The following JARID2 variants were observed in gnomAD, a reference collection of about 807,000 sequenced individuals.
The protein encoded by JARID2 is jumonji and AT-rich interaction domain containing 2.
JARID2 carries 21 observed loss-of-function variants against 125.6 expected under a neutral mutation model. The ratio of observed to expected loss-of-function variants is 0.17; its 90% CI spans 0.12 to 0.24. The LOEUF (loss-of-function observed/expected upper bound fraction) is 0.24. Ranked by LOEUF, JARID2 falls within the 10% of genes least tolerant of loss-of-function variation. JARID2 has a pLI of 1.00. For synonymous variants in JARID2, 736 were observed against 661.6 expected, an observed-to-expected ratio of 1.11 and a Z score of -1.73; for missense variants, 1,303 against 1,639.6, an observed-to-expected ratio of 0.79 and a Z score of 3.55.
At chr6:15,306,149 T>C (rs868397999) in intron 1 of JARID2, among the ~76,000 whole-genome samples, 16 of 152,090 alleles carry the variant, frequency 1.1e-4, no homozygotes, top group Non-Finnish European at 1.2e-4. Flanking sequence ...TACTTTGAGA[T>C]CACAAGTGGC....
chr6:15,434,780 C>T (rs992871805), intron 3 of JARID2, among the ~76,000 whole-genome samples: 11 of 152,322 alleles, frequency 7.2e-5, no homozygotes, highest in Non-Finnish European at 1.6e-4. Flanking sequence ...CAGTGTTTCT[C>T]AGCTTTCCGT....
At chr6:15,331,450 A>G (rs1265146028) in intron 1 of JARID2, among the ~76,000 whole-genome samples, 1 of 152,186 alleles carries the variant, frequency 6.6e-6, no homozygotes, top group Non-Finnish European at 1.5e-5. Context: ...TTTTTGAGCA[A>G]CACTTTAAGA....
Position 15,255,443 on chromosome 6 carries a change from TGAG to T in JARID2, c.45+8869_45+8871del, listed in dbSNP as rs1381707238. 4.6e-5 allele frequency among the ~76,000 whole-genome samples: 7 copies of T among 150,962 alleles called. No individual in the cohort carries two copies. In the South Asian group the frequency reaches 6.4e-4, roughly 14 times the overall value. Reference sequence around the variant, plus strand: ...AACAGTAACTTTTTTTCGGGGGAGGTGAGGAGGAGGAGTGAAAAGGATAGGTTG... The same window carrying T: ...AACAGTAACTTTTTTTCGGGGGAGGTGAGGAGGAGTGAAAAGGATAGGTTG... On this transcript the variant is annotated intron_variant, in intron 1 of 17. Coordinates refer to ENST00000341776, the MANE Select transcript of JARID2 (RefSeq NM_004973.4).
intron 17 of JARID2, among the ~76,000 whole-genome samples, chr6:15,519,466 C>G (rs13195366): frequency 3.3e-5 from 5 of 152,104 alleles, no homozygotes; most frequent in Non-Finnish European, 5.9e-5. Flanking sequence ...CAGCATGGTT[C>G]CCAGCCACCC....
intron 1 of JARID2, among the ~76,000 whole-genome samples, chr6:15,317,558 C>A (rs532984544): frequency 3.4e-4 from 52 of 151,860 alleles, no homozygotes; most frequent in South Asian, 2.9e-3. Flanking sequence ...GAACTTCATC[C>A]GTAAAGGTGA....
intron 17 of JARID2, among the ~76,000 whole-genome samples, chr6:15,518,901 C>G (rs992156017): frequency 3.3e-5 from 5 of 152,238 alleles, no homozygotes; most frequent in Admixed American, 6.5e-5. Context: ...CCGGGACAGT[C>G]TGCTTTAAAC....
rs142001809 is a variant in JARID2 at position 15,445,375 on chromosome 6, G to A, written c.324-6631G>A. ...AGTGTGTATCTTGCTGTGCTCCTTC[G>A]TTCTCATAAAGGTGCTATATATTTT... is the stretch of plus-strand genomic sequence containing the variant. On this transcript the variant is annotated intron_variant, in intron 3 of 17. Transcript: ENST00000341776. 9.2e-5 allele frequency among the ~76,000 whole-genome samples: 14 copies of A among 152,274 alleles called. No homozygotes were observed. The East Asian group carries it at 1.7e-3, about 19-fold the overall frequency.
At chr6:15,415,506 C>T (rs1581528707) in intron 3 of JARID2, among the ~76,000 whole-genome samples, 1 of 133,102 alleles carries the variant, frequency 7.5e-6, no homozygotes, top group South Asian at 2.5e-4. Context: ...CCTCACTTCC[C>T]AGTAGGGGCT....
chr6:15,504,553 C>T lies in JARID2; in HGVS notation c.2502C>T (p.Ser834=). The part of the protein sequence containing the change: ...TFYRTARNIM[S]MCFSKEPAPA... Reference sequence around the variant, plus strand: ...ATCGAACAGCGAGGAATATCATGAGCATGTGTTTCAGCAAGGAGCCTGCCC... The same window carrying T: ...ATCGAACAGCGAGGAATATCATGAGTATGTGTTTCAGCAAGGAGCCTGCCC... Residue 834 remains serine, a synonymous_variant, in exon 9 of 18, where the codon AGC becomes AGT. Coordinates refer to ENST00000341776, the MANE Select transcript of JARID2 (RefSeq NM_004973.4). 2 of 1,614,058 alleles carry T rather than the reference C, an allele frequency of 1.2e-6. No homozygotes were observed. The highest frequency in any genetic ancestry group is 1.3e-5 in the African/African-American group (1 of 75,038).
At chr6:15,418,450 G>A (rs1418760949) in intron 3 of JARID2, among the ~76,000 whole-genome samples, 3 of 152,078 alleles carry the variant, frequency 2.0e-5, no homozygotes, top group Non-Finnish European at 2.9e-5. Flanking sequence ...TCCTAACCTC[G>A]TGATCGCCCG....
intron 1 of JARID2, among the ~76,000 whole-genome samples, chr6:15,368,527 G>A (rs550475007): frequency 2.0e-5 from 3 of 152,308 alleles, no homozygotes; most frequent in South Asian, 4.1e-4. Context: ...TTATTCACAT[G>A]TAATTTGAAT....
intron 4 of JARID2, among the ~76,000 whole-genome samples, chr6:15,455,081 T>C (rs1040945136): frequency 2.6e-5 from 4 of 152,070 alleles, no homozygotes; most frequent in African/African-American, 9.6e-5. Flanking sequence ...CTATAGTCCA[T>C]CTCTGTGGAG....
rs145863527 is a variant in JARID2, at chr6:15,261,420, C to T, written c.45+14836C>T. 2.1e-3 allele frequency among the ~76,000 whole-genome samples: 317 copies of T among 150,666 alleles called. 2 individuals are homozygous for T. The highest frequency in any genetic ancestry group is 7.2e-3 in the African/African-American group (294 of 40,842). On this transcript the variant is annotated intron_variant, in intron 1 of 17. Coordinates refer to ENST00000341776, the MANE Select transcript of JARID2 (RefSeq NM_004973.4). ...ACAACCTCTACCTCCCAGGTTCAAG[C>T]GCTTCTCTTGCCTCAGCCTCCCAAG...
chr6:15,246,453 C>T lies in JARID2; in HGVS notation c.-87C>T. 1.8e-6 allele frequency: 2 copies of T among 1,110,446 alleles called. No homozygotes were observed. The highest frequency in any genetic ancestry group is 2.7e-6 in the Non-Finnish European group (2 of 732,326). The allele number at this position is 1,110,446 out of a possible 1,614,324, so 68.8% of individuals were successfully genotyped here. A position where few individuals can be genotyped will look rare whatever the true frequency, so the allele number is the denominator to read the frequency against. ...CAACCACCACCAACAACAATAAAAACCACCAGGATATTTTTTTGCAAATTT... is the reference window on the plus strand; with the variant it reads ...CAACCACCACCAACAACAATAAAAATCACCAGGATATTTTTTTGCAAATTT... On this transcript the variant is annotated 5_prime_UTR_variant, in exon 1 of 18. Transcript: ENST00000341776.
intron 7 of JARID2, among the ~76,000 whole-genome samples, chr6:15,497,958 C>T (rs9396588): frequency 0.25 from 38,113 of 152,108 alleles, 5,299 homozygotes; most frequent in East Asian, 0.43. Flanking sequence ...TCTGTGTCTT[C>T]ATCTCCTCTC....
chr6:15,253,023 A>G, intron 1 of JARID2, among the ~76,000 whole-genome samples: 1 of 152,158 alleles, frequency 6.6e-6, no homozygotes. Flanking sequence ...GGGACTTCAG[A>G]CAATCCTATA....
chr6:15,249,904 A>G (rs1187060964), intron 1 of JARID2, among the ~76,000 whole-genome samples: 2 of 152,196 alleles, frequency 1.3e-5, no homozygotes, highest in African/African-American at 4.8e-5. Context: ...TGAAAGCCCC[A>G]ATCGACTTGG....
At chr6:15,390,544 C>T (rs1378156507) in intron 2 of JARID2, among the ~76,000 whole-genome samples, 1 of 152,184 alleles carries the variant, frequency 6.6e-6, no homozygotes, top group East Asian at 1.9e-4. Context: ...GACATCCCTG[C>T]TGGCCGATTT....
At position 15,496,737 on chromosome 6, in the gene JARID2, C is replaced by A; in HGVS notation, c.1512C>A (p.Ala504=). Residue 504 remains alanine, a synonymous_variant, in exon 7 of 18, where the codon GCC becomes GCA. Coordinates refer to ENST00000341776, the MANE Select transcript of JARID2 (RefSeq NM_004973.4). ...LERNRPKRAT[A]GKSTPGRQAH... is the part of the protein sequence containing the mutation. Reference sequence around the variant, plus strand: ...GGAATCGGCCGAAGCGGGCCACGGCCGGGAAGAGCACGCCAGGCAGACAAG... The same window carrying A: ...GGAATCGGCCGAAGCGGGCCACGGCAGGGAAGAGCACGCCAGGCAGACAAG... 6.2e-7 allele frequency: 1 copy of A among 1,613,726 alleles called. No individual in the cohort carries two copies. Among genetic ancestry groups the A allele is most frequent in the Non-Finnish European group, 8.5e-7 (1 of 1,179,970 alleles).
Sources: allele counts gnomAD v4.1 joint callset (sites outside exome capture counted in the v4.1 genomes callset), GRCh38; gene constraint gnomAD v4.1.1; transcripts MANE v1.5; gene names NCBI Gene and HGNC (gene_info 2026-07-23, HGNC 2026-07-21).